RPH3AL: variants seen among roughly 807,000 people sequenced by gnomAD.
RPH3AL encodes rabphilin 3A like (without C2 domains), also known as rab effector Noc2.
RPH3AL carries 38 observed loss-of-function variants against 43.1 expected under a neutral mutation model. That is an observed-to-expected ratio of 0.88 (90% CI 0.68 to 1.15). The LOEUF is 1.15. Ranked by LOEUF, RPH3AL falls within the 50% of genes most tolerant of loss-of-function variation. The pLI is 0.00. For missense variants in RPH3AL, 462 were observed against 423.2 expected (o/e 1.09, Z -0.81); for synonymous variants, 189 against 176.3 (o/e 1.07, Z -0.57).
rs370754848 is a variant in RPH3AL at position 273,120 on chromosome 17, A to C, written c.438+8648T>G. On this transcript the variant is annotated intron_variant, in intron 6 of 9. Coordinates refer to ENST00000331302, the MANE Select transcript of RPH3AL (RefSeq NM_006987.4). ...GTGACGTCAGGGAGAGACCCCAGCGAGGGTGACGTCAGGGAGAGACCCCAG... is the reference window on the plus strand; with the variant it reads ...GTGACGTCAGGGAGAGACCCCAGCGCGGGTGACGTCAGGGAGAGACCCCAG... 6.2e-3 allele frequency among the ~76,000 whole-genome samples: 520 copies of C among 83,340 alleles called. 34 individuals are homozygous for C. Among genetic ancestry groups the C allele is most frequent in the East Asian group, 0.021 (36 of 1,750 alleles). The allele number at this position is 83,340 out of a possible 152,430, so 54.7% of individuals were successfully genotyped here. A position where few individuals can be genotyped will look rare whatever the true frequency, so the allele number is the denominator to read the frequency against.
intron 7 of RPH3AL, among the ~76,000 whole-genome samples, chr17:244,964 T>G (rs2041712267): frequency 6.6e-6 from 1 of 151,992 alleles, no homozygotes; most frequent in Middle Eastern, 3.4e-3. Flanking sequence ...GTGTGTGAGC[T>G]TGTGTGTCTG....
chr17:297,474 C>T (rs959380221), intron 5 of RPH3AL, among the ~76,000 whole-genome samples: 1 of 152,164 alleles, frequency 6.6e-6, no homozygotes, highest in Non-Finnish European at 1.5e-5. Context: ...AGCCCTCGTC[C>T]TGTGGGATCT....
intron 7 of RPH3AL, among the ~76,000 whole-genome samples, chr17:233,630 C>T (rs1352077478): frequency 1.3e-5 from 2 of 152,152 alleles, no homozygotes; most frequent in Non-Finnish European, 2.9e-5. Context: ...ACATGAGGGC[C>T]CTTCCCTTCT....
chr17:317,075 G>T (rs1200776574), intron 5 of RPH3AL, among the ~76,000 whole-genome samples: 717 of 133,308 alleles, frequency 5.4e-3, no homozygotes, highest in African/African-American at 0.019. Flanking sequence ...CTGACCTGTA[G>T]TCTCTGTGCT....
At chr17:234,893 C>G (rs2151519321) in intron 7 of RPH3AL, among the ~76,000 whole-genome samples, 1 of 152,356 alleles carries the variant, frequency 6.6e-6, no homozygotes, top group Non-Finnish European at 1.5e-5. Flanking sequence ...GCAGCTGGCT[C>G]TGGGCGGTCA....
chr17:333,464 T>A lies in RPH3AL; in HGVS notation c.-37+295A>T. On this transcript the variant is annotated intron_variant, in intron 2 of 9. Coordinates refer to ENST00000331302, the MANE Select transcript of RPH3AL (RefSeq NM_006987.4). This position sits in a 1 kb window ranked among gnomAD's most constrained non-coding sequence, Gnocchi z 4.5. ...ACTGCATACGCTGCTTGCTGGTTTC[T>A]AAATAAAATTGGGTTCTTACTATAT... 2.3e-6 allele frequency: 1 copy of A among 428,692 alleles called. No individual in the cohort carries two copies. The highest frequency in any genetic ancestry group is 4.0e-6 in the Non-Finnish European group (1 of 247,744). The allele number at this position is 428,692 out of a possible 1,614,324, so 26.6% of individuals were successfully genotyped here.
chr17:317,040 C>G (rs1555519414), intron 5 of RPH3AL, among the ~76,000 whole-genome samples: 1 of 141,788 alleles, frequency 7.1e-6, no homozygotes, highest in Admixed American at 7.2e-5. Context: ...CTCCACTGAC[C>G]TGTAGTCTCT....
intron 7 of RPH3AL, among the ~76,000 whole-genome samples, chr17:231,276 G>A (rs2041224465): frequency 6.6e-6 from 1 of 152,186 alleles, no homozygotes; most frequent in South Asian, 2.1e-4. Flanking sequence ...ACTCCCTCAG[G>A]CCCATGGGGT....
chr17:220,023 T>A (rs1567560047), intron 7 of RPH3AL, among the ~76,000 whole-genome samples: 2 of 152,150 alleles, frequency 1.3e-5, no homozygotes, highest in Admixed American at 1.3e-4. Context: ...ACAACCCCTG[T>A]TCTAGTTCCT....
Position 323,829 on chromosome 17 carries a change from C to G in RPH3AL, c.78-2414G>C, listed in dbSNP as rs963651050. Among the ~76,000 whole-genome samples, 4 of 148,026 alleles carry G rather than the reference C, an allele frequency of 2.7e-5. No individual in the cohort carries two copies. Among genetic ancestry groups the G allele is most frequent in the African/African-American group, 1.0e-4 (4 of 40,048 alleles). On this transcript the variant is annotated intron_variant, in intron 3 of 9. Coordinates refer to ENST00000331302, the MANE Select transcript of RPH3AL (RefSeq NM_006987.4). The surrounding 1 kb of genome is among the most constrained non-coding windows in gnomAD (Gnocchi z 4.4). ...CCGGACCCTCCATCACCCCGCGAGA[C>G]AGTCCAGACCCTCAGTCACCTTGCG...
chr17:226,361 C>G (rs1043321292), intron 7 of RPH3AL, among the ~76,000 whole-genome samples: 1 of 152,364 alleles, frequency 6.6e-6, no homozygotes, highest in South Asian at 2.1e-4. Flanking sequence ...CGTTTATAGA[C>G]CCCAAAGGGC....
intron 5 of RPH3AL, among the ~76,000 whole-genome samples, chr17:315,440 GCCTC>G (rs2043967530): frequency 3.5e-5 from 1 of 28,192 alleles, no homozygotes; most frequent in African/African-American, 1.6e-4. Context: ...TAGTCCCTGT[GCCTC>G]ACCTCCATTG....
intron 6 of RPH3AL, among the ~76,000 whole-genome samples, chr17:280,851 G>A (rs1305114216): frequency 6.6e-6 from 1 of 152,200 alleles, no homozygotes; most frequent in Non-Finnish European, 1.5e-5. Context: ...AGGAATGGCA[G>A]AGGAGCAATA....
chr17:269,528 G>C (rs923187777), intron 6 of RPH3AL, among the ~76,000 whole-genome samples: 1 of 152,214 alleles, frequency 6.6e-6, no homozygotes, highest in Non-Finnish European at 1.5e-5. Context: ...GAATAGAGCT[G>C]TTAGAAGGTG....
chr17:262,789 TGGAGAGTCAG>T (rs1490056871), intron 6 of RPH3AL, among the ~76,000 whole-genome samples: 1 of 152,138 alleles, frequency 6.6e-6, no homozygotes, highest in Non-Finnish European at 1.5e-5. Context: ...CCTAAATCAG[TGGAGAGTCAG>T]GGAGCACACA....
At position 253,257 on chromosome 17, in the gene RPH3AL, G is replaced by A. The variant is rs920264884; in HGVS notation, c.439-5972C>T. ...TGCTCCCCCACCTCACGCCCAGCCA[G>A]TCAAGGCCCTGTTTAACGGGGAGTG... On this transcript the variant is annotated intron_variant, in intron 6 of 9. Transcript: ENST00000331302. 4.6e-5 allele frequency among the ~76,000 whole-genome samples: 7 copies of A among 152,300 alleles called. No homozygotes were observed. In the East Asian group the frequency reaches 1.2e-3, roughly 25 times the overall value.
At position 290,468 on chromosome 17, in the gene RPH3AL, C is replaced by T. The variant is rs188469946; in HGVS notation, c.352-8614G>A. On this transcript the variant is annotated intron_variant, in intron 5 of 9. Coordinates refer to ENST00000331302, the MANE Select transcript of RPH3AL (RefSeq NM_006987.4). The surrounding 1 kb of genome is among the most constrained non-coding windows in gnomAD (Gnocchi z 4.2). ...CCTCCCCCGGGGTGCGTGCCGCGGC[C>T]GCCTATGTGTGCAGACCCGTCCCAA... 7.2e-5 allele frequency among the ~76,000 whole-genome samples: 11 copies of T among 152,284 alleles called. No individual in the cohort carries two copies. In the East Asian group the frequency reaches 2.1e-3, roughly 29 times the overall value.
At chr17:298,796 G>A (rs17879541) in intron 5 of RPH3AL, among the ~76,000 whole-genome samples, 53,060 of 151,858 alleles carry the variant, frequency 0.35, 9,913 homozygotes, top group South Asian at 0.52. Flanking sequence ...AACATTGTAG[G>A]ATTTCTTAAT....
chr17:347,173 G>T (rs2045252884), intron 1 of RPH3AL, among the ~76,000 whole-genome samples: 1 of 100,580 alleles, frequency 9.9e-6, no homozygotes, highest in Non-Finnish European at 2.4e-5. Flanking sequence ...CAGGAGAATG[G>T]CGTGAACCCG....
Sources: gnomAD v4.1 joint callset for allele counts (sites outside exome capture counted in the v4.1 genomes callset) on GRCh38, gnomAD v4.1.1 for gene constraint, Gnocchi (gnomAD v3.1) non-coding constraint, MANE v1.5 for transcripts, NCBI Gene and HGNC (gene_info 2026-07-23, HGNC 2026-07-21) for gene names.